RANBP1: variants seen among roughly 807,000 people sequenced by gnomAD.
RANBP1 encodes RAN binding protein 1.
Under a neutral mutation model 31.4 loss-of-function variants are expected in RANBP1, and 16 were observed. The observed-to-expected ratio is 0.51, with a 90% CI of 0.34 to 0.77. The LOEUF is 0.77. RANBP1 is among the 30% of genes least tolerant of loss of function. The pLI, the probability that RANBP1 is intolerant of heterozygous loss-of-function variation, is 0.01. For synonymous variants in RANBP1, 129 were observed against 140.5 expected (o/e 0.92, Z 0.58); for missense variants, 265 against 362.0 (o/e 0.73, Z 2.17).
At position 20,119,127 on chromosome 22, in the gene RANBP1, G is replaced by T. The variant is rs1331723716; in HGVS notation, c.361G>T (p.Asp121Tyr). The T allele has an allele frequency of 6.2e-7, 1 of 1,612,886 alleles. No homozygotes were observed. Among genetic ancestry groups the T allele is most frequent in the African/African-American group, 1.3e-5 (1 of 74,908 alleles). Residue 121 changes from aspartate (D) to tyrosine (Y), a missense_variant, in exon 2 of 6, where the codon GAT becomes TAT. By Grantham distance (160) the Asp-to-Tyr change is radical (BLOSUM62 -3). Around this residue, in one of 3 missense-constraint regions of RANBP1, gnomAD observed 90 missense variants for 190.5 expected, o/e 0.47. Coordinates refer to ENST00000430524, the MANE Select transcript of RANBP1 (RefSeq NM_001278639.2). ...PEQEIKTLEE[D>Y]EEELFKMRAK... ...GCAAGAAATTAAAACACTGGAAGAA[G>T]ATGAAGAGGAACTTTTTAAAATGTA...
intron 3 of RANBP1, chr22:20,122,755 GT>G (rs1337223663): frequency 3.0e-6 from 3 of 1,003,364 alleles, no homozygotes; most frequent in Admixed American, 5.5e-5. Flanking sequence ...GTGTGTGTGT[GT>G]GTGTGTGGTG....
At chr22:20,124,894 G>C in intron 3 of RANBP1, 1 of 213,916 alleles carries the variant, frequency 4.7e-6, no homozygotes, top group Non-Finnish European at 9.3e-6. Flanking sequence ...TCACGGCCAG[G>C]GTCAGAATCA....
intron 1 of RANBP1, chr22:20,118,401 C>T (rs937056891): frequency 3.1e-5 from 29 of 949,246 alleles, no homozygotes; most frequent in Non-Finnish European, 3.6e-5. Flanking sequence ...TGACTTTCAC[C>T]GGTACAATTT....
intron 1 of RANBP1, chr22:20,118,384 G>T: frequency 1.0e-6 from 1 of 986,422 alleles, no homozygotes; most frequent in Non-Finnish European, 1.2e-6. Context: ...ATTGGGCCAG[G>T]ATTTCATGAC....
intron 2 of RANBP1, among the ~76,000 whole-genome samples, chr22:20,120,858 T>C (rs1353005996): frequency 6.6e-6 from 1 of 151,516 alleles, no homozygotes; most frequent in Non-Finnish European, 1.5e-5. Flanking sequence ...TGACCTGGAG[T>C]TTTTTGGGCT....
At chr22:20,121,327 G>A (rs2050165712) in intron 2 of RANBP1, among the ~76,000 whole-genome samples, 1 of 152,066 alleles carries the variant, frequency 6.6e-6, no homozygotes, top group Middle Eastern at 3.4e-3. Flanking sequence ...TCAGCTCGCC[G>A]CAACCTCTGC....
At chr22:20,126,846 G>T in intron 5 of RANBP1, 106 bp from the exon 6 acceptor site, 2 of 1,434,816 alleles carry the variant, frequency 1.4e-6, no homozygotes, top group Non-Finnish European at 1.9e-6. Flanking sequence ...CCGAGGGCGG[G>T]CAAGCCGCTG....
intron 3 of RANBP1, among the ~76,000 whole-genome samples, chr22:20,123,284 AG>A (rs1183780616): frequency 8.1e-5 from 1 of 12,314 alleles, no homozygotes; most frequent in African/African-American, 4.1e-4. Flanking sequence ...TTTGGTGTCT[AG>A]GGGGGTTTGT....
At chr22:20,122,572 T>C in intron 3 of RANBP1, 151 bp downstream of exon 3, 1 of 1,542,842 alleles carries the variant, frequency 6.5e-7, no homozygotes, top group African/African-American at 1.4e-5. Flanking sequence ...CAGAAATACG[T>C]TTTTCAGACG....
intron 3 of RANBP1, 126 bp downstream of exon 3, chr22:20,122,547 T>C: frequency 1.9e-6 from 3 of 1,566,940 alleles, no homozygotes; most frequent in South Asian, 2.3e-5. Context: ...GTGGTGTGTT[T>C]GTTGAATTTA....
At chr22:20,125,477 A>T (rs776639675) in intron 4 of RANBP1, 41 bp downstream of exon 4, 1 of 1,573,836 alleles carries the variant, frequency 6.4e-7, no homozygotes, top group Non-Finnish European at 8.6e-7. Flanking sequence ...CTTGGGGCTC[A>T]CCTGCGTGGC....
At chr22:20,116,543 G>T in intron 1 of RANBP1, 113 bp downstream of exon 1, 2 of 1,597,372 alleles carry the variant, frequency 1.3e-6, no homozygotes, top group Non-Finnish European at 8.5e-7. Context: ...GCTGCAGGGG[G>T]CACCGAGACG....
At chr22:20,125,669 C>A in intron 4 of RANBP1, 1 of 1,399,740 alleles carries the variant, frequency 7.1e-7, no homozygotes, top group Admixed American at 2.8e-5. Flanking sequence ...AACAGCAGTG[C>A]CCGCTCAGCC....
At chr22:20,123,903 C>T (rs1555883849) in intron 3 of RANBP1, among the ~76,000 whole-genome samples, 2 of 152,034 alleles carry the variant, frequency 1.3e-5, no homozygotes, top group African/African-American at 2.4e-5. Context: ...GCGTGTCCGG[C>T]GGGGCAGGGT....
intron 2 of RANBP1, 100 bp from the exon 3 acceptor site, chr22:20,122,164 G>T: frequency 1.5e-6 from 2 of 1,358,738 alleles, no homozygotes; most frequent in Admixed American, 2.0e-5. Flanking sequence ...GTTCGTGGAG[G>T]CATGGGGTCC....
chr22:20,125,518 T>A (rs1402513318), intron 4 of RANBP1, 82 bp downstream of exon 4: 1 of 1,547,580 alleles, frequency 6.5e-7, no homozygotes. Context: ...ACAAATGCTG[T>A]TGCCTTTTGG....
At chr22:20,124,692 G>C (rs1229933454) in intron 3 of RANBP1, 2 of 153,684 alleles carry the variant, frequency 1.3e-5, no homozygotes, top group African/African-American at 2.4e-5. Context: ...GGATGCAGGT[G>C]GGCACTCCTG....
rs2050271682 is a variant in RANBP1, at chr22:20,125,314, C to T, written c.548C>T (p.Pro183Leu). Reference sequence around the variant, plus strand: ...CGAGCTTCTCTCTCTTCAGTCACGCCGATGATGGAGCTGAAGCCCAACGCA... The same window carrying T: ...CGAGCTTCTCTCTCTTCAGTCACGCTGATGATGGAGCTGAAGCCCAACGCA... ...LKICANHYIT[P>L]MMELKPNAGS... The change falls in exon 4 of 6, where the codon CCG (proline) becomes CTG (leucine). Residue 183 changes from proline (P) to leucine (L), a missense_variant. By Grantham distance (98) the Pro-to-Leu change is moderately conservative. Transcript: ENST00000430524. The T allele has an allele frequency of 2.5e-6, 4 of 1,611,420 alleles. No homozygotes were observed. The highest frequency in any genetic ancestry group is 1.3e-5 in the African/African-American group (1 of 74,824).
intron 3 of RANBP1, chr22:20,122,707 G>T: frequency 1.5e-6 from 2 of 1,371,792 alleles, no homozygotes; most frequent in Non-Finnish European, 1.9e-6. Context: ...AGTGAGTGCT[G>T]CAGGGCGAGG....
Sources: allele counts gnomAD v4.1 joint callset (sites outside exome capture counted in the v4.1 genomes callset), GRCh38; gene constraint gnomAD v4.1.1; regional missense constraint gnomAD v4.1.1; transcripts MANE v1.5; gene names NCBI Gene and HGNC (gene_info 2026-07-23, HGNC 2026-07-21).